AMZ1: variants seen among roughly 807,000 people sequenced by gnomAD.
AMZ1 encodes archaemetzincin-1.
Under a neutral mutation model 29.9 loss-of-function variants are expected in AMZ1, and 39 were observed. The observed-to-expected ratio is 1.30, with a 90% CI of 1.01 to 1.70. The LOEUF (loss-of-function observed/expected upper bound fraction) is 1.70. AMZ1 is among the 40% of genes most tolerant of loss of function. AMZ1 has a pLI of 0.00. For synonymous variants in AMZ1, 458 were observed against 304.0 expected, an observed-to-expected ratio of 1.51 and a Z score of -5.27; for missense variants, 1,041 against 680.6, an observed-to-expected ratio of 1.53 and a Z score of -5.89.
chr7:2,726,377 T>C (rs912297525), intron 4 of AMZ1, among the ~76,000 whole-genome samples: 1 of 152,156 alleles, frequency 6.6e-6, no homozygotes, highest in Admixed American at 6.5e-5. Context: ...GCCTCTTCAG[T>C]GACTGTCAAC....
intron 4 of AMZ1, among the ~76,000 whole-genome samples, chr7:2,757,101 T>C (rs184266595): frequency 6.7e-6 from 1 of 149,696 alleles, no homozygotes; most frequent in African/African-American, 2.5e-5. Context: ...GGAGGTGACC[T>C]TGGCAGGCCC....
At chr7:2,710,076 T>C (rs532718811) in intron 6 of AMZ1, among the ~76,000 whole-genome samples, 3 of 152,282 alleles carry the variant, frequency 2.0e-5, no homozygotes, top group Admixed American at 1.3e-4. Flanking sequence ...GGACGAGGGC[T>C]TTTCTCCCTC....
upstream of AMZ1, among the ~76,000 whole-genome samples, chr7:2,761,876 G>A (rs753345911): frequency 2.6e-5 from 4 of 152,058 alleles, no homozygotes; most frequent in South Asian, 4.1e-4. Context: ...CGTAAAATTC[G>A]GCTTCCAGCT....
chr7:2,746,279 C>T (rs1442489636), intron 4 of AMZ1, among the ~76,000 whole-genome samples: 1 of 152,162 alleles, frequency 6.6e-6, no homozygotes, highest in Non-Finnish European at 1.5e-5. Flanking sequence ...GGAAGTAAAG[C>T]ACTCCTCAGC....
intron 1 of AMZ1, among the ~76,000 whole-genome samples, chr7:2,688,798 C>T (rs1163751133): frequency 6.6e-6 from 1 of 152,160 alleles, no homozygotes; most frequent in Non-Finnish European, 1.5e-5. Flanking sequence ...GGCTTCCTCC[C>T]CCAGGAGACT....
At chr7:2,739,615 T>G (rs1790397701) in intron 4 of AMZ1, among the ~76,000 whole-genome samples, 1 of 152,330 alleles carries the variant, frequency 6.6e-6, no homozygotes, top group South Asian at 2.1e-4. Flanking sequence ...AGTTTTTGCT[T>G]GAATATCTGT....
At chr7:2,726,600 G>C (rs1448998325) in intron 4 of AMZ1, among the ~76,000 whole-genome samples, 1 of 152,226 alleles carries the variant, frequency 6.6e-6, no homozygotes, top group East Asian at 1.9e-4. Context: ...TGTGTGCTCA[G>C]GGCAGGTGTT....
chr7:2,728,932 C>T (rs377610063), intron 4 of AMZ1: 5 of 152,488 alleles, frequency 3.3e-5, no homozygotes, highest in South Asian at 4.1e-4. Flanking sequence ...GAGCCCGCGC[C>T]GGGGGCCATC....
At chr7:2,700,863 G>C in intron 2 of AMZ1, 108 bp downstream of exon 2, 6 of 1,421,578 alleles carry the variant, frequency 4.2e-6, no homozygotes, top group Non-Finnish European at 5.7e-6. Flanking sequence ...AATGAGGGAA[G>C]AGGGTCCTGG....
upstream of AMZ1, among the ~76,000 whole-genome samples, chr7:2,763,757 C>A (rs960722055): frequency 6.6e-6 from 1 of 152,188 alleles, no homozygotes; most frequent in Non-Finnish European, 1.5e-5. Flanking sequence ...ATGCCTCCCC[C>A]ACAGGCTCTG....
intron 4 of AMZ1, among the ~76,000 whole-genome samples, chr7:2,753,625 T>C (rs1791143584): frequency 6.6e-6 from 1 of 152,222 alleles, no homozygotes; most frequent in Non-Finnish European, 1.5e-5. Flanking sequence ...ATTTTAGCTA[T>C]TACACATAAA....
At chr7:2,762,319 G>A (rs1398993213), upstream of AMZ1, 1 of 312,220 alleles carries the variant, frequency 3.2e-6, no homozygotes, top group Non-Finnish European at 5.8e-6. Context: ...CTCACGCCAG[G>A]CGCTGCGCGA....
intron 6 of AMZ1, among the ~76,000 whole-genome samples, chr7:2,710,568 C>T (rs1788709552): frequency 6.6e-6 from 1 of 152,180 alleles, no homozygotes; most frequent in African/African-American, 2.4e-5. Flanking sequence ...CTAGCTGGGC[C>T]CTCCTTCCTT....
At chr7:2,697,848 G>A (rs1255440816) in intron 1 of AMZ1, among the ~76,000 whole-genome samples, 1 of 152,064 alleles carries the variant, frequency 6.6e-6, no homozygotes, top group African/African-American at 2.4e-5. Context: ...GGAGAAAGAA[G>A]TTATAGAAAG....
chr7:2,708,699 A>C lies in AMZ1; in HGVS notation c.584A>C (p.Lys195Thr). The change falls in exon 4 of 7, where the codon AAG becomes ACG. Residue 195 changes from lysine to threonine, a missense_variant. By Grantham distance (78) the Lys-to-Thr change is moderately conservative (BLOSUM62 -1). Transcript: ENST00000683327. ...PHEAWSFTFS[K>T]FLPGHEVGVC... is the part of the protein sequence containing the mutation. ...GAGGCCTGGAGCTTCACCTTCAGCA[A>C]GTTCCTTCCAGGGCACGGTGAGCCG... 6.2e-7 allele frequency: 1 copy of C among 1,612,888 alleles called. No homozygotes were observed. The highest frequency in any genetic ancestry group is 8.5e-7 in the Non-Finnish European group (1 of 1,179,964).
chr7:2,739,893 G>T (rs191353452), intron 4 of AMZ1, among the ~76,000 whole-genome samples: 1 of 152,216 alleles, frequency 6.6e-6, no homozygotes, highest in Non-Finnish European at 1.5e-5. Flanking sequence ...GGCTGGTCTC[G>T]AACTCCTGAC....
chr7:2,727,518 A>C (rs1001183589), intron 4 of AMZ1, among the ~76,000 whole-genome samples: 2 of 152,064 alleles, frequency 1.3e-5, no homozygotes, highest in African/African-American at 4.8e-5. Context: ...TGGCACTACA[A>C]GCATGCACCA....
rs208350 is a variant in AMZ1 at position 2,749,568 on chromosome 7, G to A, written n.551-15144G>A. Reference sequence around the variant, plus strand: ...GGAGATATACCTAATGCTAAATGACGAGTTAATGGGTGCAGCACACCAACA... The same window carrying A: ...GGAGATATACCTAATGCTAAATGACAAGTTAATGGGTGCAGCACACCAACA... On this transcript the variant is annotated intron_variant and non_coding_transcript_variant, in intron 4 of 4. Transcript: ENST00000489665. 6.5e-3 allele frequency among the ~76,000 whole-genome samples: 988 copies of A among 151,894 alleles called. 49 individuals carry two copies. In the East Asian group the frequency reaches 0.13, roughly 20 times the overall value.
Position 2,702,653 on chromosome 7 carries a change from T to C in AMZ1, c.305-69T>C, listed in dbSNP as rs73283154. ...CACCCAGCAGGCCGGTGTCTGCGAG[T>C]GATTCCCGGGGAGAGGGTCCCAGGC... On this transcript the variant is annotated intron_variant, in intron 2 of 6. Coordinates refer to ENST00000683327, the MANE Select transcript of AMZ1 (RefSeq NM_001384743.1). The C allele has an allele frequency of 8.1e-3, 11,776 of 1,460,238 alleles. 763 individuals carry two copies. The African/African-American group carries it at 0.15, about 18-fold the overall frequency. 90.5% of individuals were successfully genotyped at this position (1,460,238 alleles called of 1,614,324 possible). A position where few individuals can be genotyped will look rare whatever the true frequency, so the allele number is the denominator to read the frequency against.
Sources: gnomAD v4.1 joint callset for allele counts (sites outside exome capture counted in the v4.1 genomes callset) on GRCh38, gnomAD v4.1.1 for gene constraint, MANE v1.5 for transcripts, NCBI Gene and HGNC (gene_info 2026-07-23, HGNC 2026-07-21) for gene names.